Variants in PATJ observed in about 807,000 individuals in gnomAD.
PATJ encodes inaD-like protein.
In PATJ, 190 loss-of-function variants were observed where a neutral mutation model predicts 224.9. The ratio of observed to expected loss-of-function variants is 0.84; its 90% CI spans 0.75 to 0.95. PATJ has a LOEUF of 0.95. Ranked by LOEUF, PATJ falls within the 40% of genes least tolerant of loss-of-function variation. The pLI is 0.00. For missense variants in PATJ, 2,121 were observed against 2,270.3 expected (o/e 0.93, Z 1.34); for synonymous variants, 769 against 820.3 (o/e 0.94, Z 1.07).
chr1:61,764,516 C>A (rs932961981), intron 3 of PATJ, among the ~76,000 whole-genome samples: 5 of 151,540 alleles, frequency 3.3e-5, no homozygotes, highest in African/African-American at 1.2e-4. Flanking sequence ...TGGCAAATTA[C>A]TTTTAAATCA....
At chr1:62,125,959 C>T (rs1375942157) in intron 39 of PATJ, among the ~76,000 whole-genome samples, 2 of 152,124 alleles carry the variant, frequency 1.3e-5, no homozygotes, top group Non-Finnish European at 2.9e-5. Context: ...TCAGTAGAGA[C>T]AGGGTTTCGC....
chr1:62,026,379 G>A (rs1171283035), intron 29 of PATJ, among the ~76,000 whole-genome samples: 1 of 152,144 alleles, frequency 6.6e-6, no homozygotes, highest in Non-Finnish European at 1.5e-5. Context: ...ATCCTGGAAT[G>A]TCTCAGATGA....
In PATJ at chr1:61,871,459, A is replaced by ATATATGTATATACATATATATGCG. The variant is rs1571017969; in HGVS notation, c.2836-3779_2836-3778insGTATATACATATATATGCGTATAT. Among the ~76,000 whole-genome samples, 102 of 55,972 alleles carry ATATATGTATATACATATATATGCG rather than the reference A, an allele frequency of 1.8e-3. 2 individuals are homozygous for ATATATGTATATACATATATATGCG. In the East Asian group the frequency reaches 0.042, roughly 23 times the overall value. 36.7% of individuals were successfully genotyped at this position (55,972 alleles called of 152,430 possible). A position where few individuals can be genotyped will look rare whatever the true frequency, so the allele number is the denominator to read the frequency against. Reference sequence around the variant, plus strand: ...TGTGTATATACACATATATATGCGTATATATATGTATATACATATATATGT... The same window carrying ATATATGTATATACATATATATGCG: ...TGTGTATATACACATATATATGCGTATATATGTATATACATATATATGCGTATATATGTATATACATATATATGT... On this transcript the variant is annotated intron_variant, in intron 20 of 43. Transcript: ENST00000642238.
chr1:62,044,170 T>C (rs1295328609), intron 30 of PATJ, among the ~76,000 whole-genome samples: 6 of 152,272 alleles, frequency 3.9e-5, no homozygotes, highest in Non-Finnish European at 8.8e-5. Flanking sequence ...TACATTGTTG[T>C]ACATTGTTAT....
intron 27 of PATJ, among the ~76,000 whole-genome samples, chr1:61,956,135 C>G (rs1680412136): frequency 6.6e-6 from 1 of 152,188 alleles, no homozygotes; most frequent in African/African-American, 2.4e-5. Flanking sequence ...CACACGCTGC[C>G]CAGTATGAGC....
intron 41 of PATJ, among the ~76,000 whole-genome samples, chr1:62,138,011 T>C (rs946993505): frequency 6.6e-6 from 1 of 152,068 alleles, no homozygotes; most frequent in Non-Finnish European, 1.5e-5. Flanking sequence ...GGCCTCCCCC[T>C]CTTTGGGTTG....
chr1:61,975,996 T>C (rs997996586), intron 27 of PATJ, among the ~76,000 whole-genome samples: 1 of 152,068 alleles, frequency 6.6e-6, no homozygotes, highest in Non-Finnish European at 1.5e-5. Flanking sequence ...TCTAATTTTT[T>C]CTCCACCAGT....
intron 29 of PATJ, among the ~76,000 whole-genome samples, chr1:62,024,517 T>A (rs984046611): frequency 6.6e-6 from 1 of 152,154 alleles, no homozygotes; most frequent in Non-Finnish European, 1.5e-5. Flanking sequence ...TCACCTCTTT[T>A]GGCACTCAGA....
intron 27 of PATJ, among the ~76,000 whole-genome samples, chr1:61,985,051 G>A (rs1351723239): frequency 2.0e-5 from 3 of 152,032 alleles, no homozygotes; most frequent in Non-Finnish European, 4.4e-5. Context: ...GGTGGCTCAC[G>A]CCTAATAATC....
chr1:62,002,609 T>A (rs915284110), intron 28 of PATJ, among the ~76,000 whole-genome samples: 3 of 150,288 alleles, frequency 2.0e-5, no homozygotes, highest in Non-Finnish European at 2.9e-5. Context: ...CTTGGGAGGC[T>A]GAGGCAGGAG....
intron 33 of PATJ, among the ~76,000 whole-genome samples, chr1:62,099,907 T>C (rs1049781965): frequency 3.3e-5 from 5 of 152,186 alleles, no homozygotes; most frequent in African/African-American, 1.2e-4. Context: ...GAATGATTGG[T>C]GTGTTTATGA....
chr1:62,148,459 T>A (rs1371988013), intron 42 of PATJ, 69 bp downstream of exon 42: 4 of 1,082,084 alleles, frequency 3.7e-6, no homozygotes, highest in Non-Finnish European at 4.3e-6. Flanking sequence ...TTCCAGACAC[T>A]CAAGTGCACT....
At chr1:61,913,696 A>G (rs1170483562) in intron 25 of PATJ, among the ~76,000 whole-genome samples, 2 of 152,076 alleles carry the variant, frequency 1.3e-5, no homozygotes, top group Non-Finnish European at 1.5e-5. Context: ...ACTGAGTTCT[A>G]CTCTCATTAA....
At position 62,163,626 on chromosome 1, in the gene PATJ, G is replaced by A. The variant is rs980970106; in HGVS notation, c.*2572G>A. 4 of 152,518 alleles carry A rather than the reference G, an allele frequency of 2.6e-5. No homozygotes were observed. Among genetic ancestry groups the A allele is most frequent in the African/African-American group, 9.7e-5 (4 of 41,428 alleles). The allele number at this position is 152,518 out of a possible 1,614,324, so 9.4% of individuals were successfully genotyped here. A position where few individuals can be genotyped will look rare whatever the true frequency, so the allele number is the denominator to read the frequency against. On this transcript the variant is annotated 3_prime_UTR_variant, in exon 44 of 44. Coordinates refer to ENST00000642238, the MANE Select transcript of PATJ (RefSeq NM_001350145.3). ...CACTAAATTGATAGAACTAGTACTT[G>A]TCATAATCGGTTCTGTCTCCGCTCA...
At chr1:62,006,033 C>T (rs967457201) in intron 28 of PATJ, among the ~76,000 whole-genome samples, 2 of 152,136 alleles carry the variant, frequency 1.3e-5, no homozygotes, top group African/African-American at 4.8e-5. Flanking sequence ...TTAACTTTTA[C>T]TTCCAATTTG....
chr1:61,806,480 G>A (rs1180303095), intron 13 of PATJ, among the ~76,000 whole-genome samples: 2 of 152,066 alleles, frequency 1.3e-5, no homozygotes, highest in Admixed American at 6.6e-5. Flanking sequence ...TTAGCCGGGC[G>A]TGGTGGCGGT....
In PATJ at chr1:61,914,611, G is replaced by A. The variant is rs1264511289; in HGVS notation, c.3517G>A (p.Ala1173Thr). 1.9e-6 allele frequency: 3 copies of A among 1,577,708 alleles called. No homozygotes were observed. Among genetic ancestry groups the A allele is most frequent in the East Asian group, 4.5e-5 (2 of 44,590 alleles). Reference protein sequence around the residue: ...PRVIPNVHNKANKITGNQNQD... With the variant: ...PRVIPNVHNKTNKITGNQNQD... ...GGTCATTCCTAACGTACATAACAAGGCCAACAAAATCACCGGTAACCAGAA... is the reference window on the plus strand; with the variant it reads ...GGTCATTCCTAACGTACATAACAAGACCAACAAAATCACCGGTAACCAGAA... The change falls in exon 26 of 44, where the codon GCC (alanine) becomes ACC (threonine). Residue 1173 changes from alanine to threonine, a missense_variant. Coordinates refer to ENST00000642238, the MANE Select transcript of PATJ (RefSeq NM_001350145.3).
chr1:61,995,396 G>T (rs1045665124), intron 28 of PATJ, among the ~76,000 whole-genome samples: 1 of 152,020 alleles, frequency 6.6e-6, no homozygotes. Flanking sequence ...AGTTATATTT[G>T]ATCTTAATTC....
intron 29 of PATJ, among the ~76,000 whole-genome samples, chr1:62,034,021 GAA>G (rs1649850189): frequency 6.6e-6 from 1 of 152,136 alleles, no homozygotes; most frequent in South Asian, 2.1e-4. Flanking sequence ...TTATCTGTGG[GAA>G]AAGTCCGTTA....
Sources: allele counts gnomAD v4.1 joint callset (sites outside exome capture counted in the v4.1 genomes callset), GRCh38; gene constraint gnomAD v4.1.1; transcripts MANE v1.5; gene names NCBI Gene and HGNC (gene_info 2026-07-23, HGNC 2026-07-21).